The following OXSR1 variants were observed in gnomAD, a reference collection of about 807,000 sequenced individuals.
OXSR1 encodes the protein serine/threonine-protein kinase OSR1.
OXSR1 carries 24 observed loss-of-function variants against 79.8 expected under a neutral mutation model. The observed-to-expected ratio is 0.30, with a 90% CI of 0.22 to 0.42. The LOEUF (loss-of-function observed/expected upper bound fraction) is 0.42. OXSR1 is among the 10% of genes least tolerant of loss of function. OXSR1 has a pLI of 1.00. For synonymous variants in OXSR1, 226 were observed against 209.2 expected (o/e 1.08, Z -0.69); for missense variants, 430 against 618.4 (o/e 0.70, Z 3.23).
Position 38,183,073 on chromosome 3 carries a change from G to C in OXSR1, c.141G>C (p.Arg47=). Residue 47 remains arginine, a synonymous_variant, in exon 2 of 18, where the codon CGG becomes CGC. Transcript: ENST00000311806. ...AAAAGGAGAAAGTGGCAATCAAACG[G>C]ATAAACCTTGAGAAATGTCAAACTA... ...APKKEKVAIK[R]INLEKCQTSM... 1 of 1,612,472 alleles carries C rather than the reference G, an allele frequency of 6.2e-7. No homozygotes were observed. Among genetic ancestry groups the C allele is most frequent in the Non-Finnish European group, 8.5e-7 (1 of 1,179,116 alleles).
intron 1 of OXSR1, among the ~76,000 whole-genome samples, chr3:38,176,050 T>C (rs1344885378): frequency 6.6e-6 from 1 of 152,226 alleles, no homozygotes; most frequent in East Asian, 1.9e-4. Flanking sequence ...ATTTTTTTTT[T>C]CTAAAACATC....
At chr3:38,195,550 T>A (rs1387151432) in intron 3 of OXSR1, among the ~76,000 whole-genome samples, 2 of 152,220 alleles carry the variant, frequency 1.3e-5, no homozygotes, top group South Asian at 4.1e-4. Flanking sequence ...CTGTAGTAGC[T>A]AAAGATTTAT....
intron 1 of OXSR1, among the ~76,000 whole-genome samples, chr3:38,167,182 C>T (rs1033385935): frequency 2.0e-5 from 3 of 152,070 alleles, no homozygotes; most frequent in Non-Finnish European, 2.9e-5. Context: ...TGACGTGATC[C>T]GATAAATTGG....
At chr3:38,189,562 T>C (rs1701945677) in intron 2 of OXSR1, among the ~76,000 whole-genome samples, 1 of 152,212 alleles carries the variant, frequency 6.6e-6, no homozygotes. Context: ...GTACTCCTTA[T>C]CAGTCAGGGA....
intron 13 of OXSR1, 59 bp from the exon 14 acceptor site, chr3:38,247,609 T>C: frequency 8.2e-7 from 1 of 1,214,138 alleles, no homozygotes; most frequent in Admixed American, 1.7e-5. Context: ...CAGTGACCAT[T>C]AGTCACCTCC....
At chr3:38,240,969 C>G (rs1330779027) in intron 11 of OXSR1, among the ~76,000 whole-genome samples, 2 of 152,118 alleles carry the variant, frequency 1.3e-5, no homozygotes, top group Non-Finnish European at 2.9e-5. Context: ...ATTTTACAAT[C>G]ATCGTCGCAA....
chr3:38,218,822 C>T (rs1702534511), intron 5 of OXSR1, among the ~76,000 whole-genome samples: 1 of 152,120 alleles, frequency 6.6e-6, no homozygotes, highest in South Asian at 2.1e-4. Context: ...TACCTTATTA[C>T]AGATAACACT....
At chr3:38,181,267 G>A (rs1701780131) in intron 1 of OXSR1, among the ~76,000 whole-genome samples, 1 of 149,270 alleles carries the variant, frequency 6.7e-6, no homozygotes, top group Non-Finnish European at 1.5e-5. Flanking sequence ...ATAATTGTAT[G>A]TTTCAGTTGT....
intron 15 of OXSR1, among the ~76,000 whole-genome samples, chr3:38,250,390 G>A (rs1328404132): frequency 6.6e-6 from 1 of 152,176 alleles, no homozygotes; most frequent in Non-Finnish European, 1.5e-5. Flanking sequence ...AGGTCACACA[G>A]CTGGAAAGAG....
intron 11 of OXSR1, among the ~76,000 whole-genome samples, chr3:38,242,504 C>A (rs759562742): frequency 2.6e-5 from 4 of 152,034 alleles, no homozygotes; most frequent in Admixed American, 1.3e-4. Flanking sequence ...TTTTAAAATA[C>A]GGAATTTTAA....
At chr3:38,233,742 A>C (rs1206468422) in intron 10 of OXSR1, among the ~76,000 whole-genome samples, 1 of 151,826 alleles carries the variant, frequency 6.6e-6, no homozygotes, top group Non-Finnish European at 1.5e-5. Context: ...GGCAAGACCC[A>C]GACTCTACCA....
chr3:38,215,272 A>G (rs1344722614), intron 4 of OXSR1, among the ~76,000 whole-genome samples: 1 of 152,126 alleles, frequency 6.6e-6, no homozygotes, highest in Non-Finnish European at 1.5e-5. Flanking sequence ...TAACCTTTCT[A>G]CTGTTGCTGG....
At chr3:38,217,814 TC>T (rs1279347384) in intron 5 of OXSR1, among the ~76,000 whole-genome samples, 2 of 152,176 alleles carry the variant, frequency 1.3e-5, no homozygotes, top group African/African-American at 4.8e-5. Context: ...ACCACCATTC[TC>T]CTTTCTGTCT....
At chr3:38,168,907 G>A (rs923497821) in intron 1 of OXSR1, among the ~76,000 whole-genome samples, 1 of 152,126 alleles carries the variant, frequency 6.6e-6, no homozygotes, top group African/African-American at 2.4e-5. Flanking sequence ...TTGGCTGTTT[G>A]GAACAAGGCT....
At chr3:38,223,628 T>G (rs1702632386) in intron 6 of OXSR1, among the ~76,000 whole-genome samples, 184 bp from the exon 7 acceptor site, 2 of 151,652 alleles carry the variant, frequency 1.3e-5, no homozygotes, top group African/African-American at 2.4e-5. Context: ...TTTTTTTTTT[T>G]TAGTAGTGAT....
intron 6 of OXSR1, among the ~76,000 whole-genome samples, chr3:38,222,323 GA>G (rs1702604847): frequency 6.6e-6 from 1 of 152,190 alleles, no homozygotes; most frequent in Non-Finnish European, 1.5e-5. Context: ...GGGCTTTGGA[GA>G]CAGGCTTTGT....
rs748512523 is a variant in OXSR1, at chr3:38,185,323, G to A, written c.183+2208G>A. On this transcript the variant is annotated intron_variant, in intron 2 of 17. Coordinates refer to ENST00000311806, the MANE Select transcript of OXSR1 (RefSeq NM_005109.3). ...CACAGGGCCAGGCACAGTGGCTTAC[G>A]CCTGTAATCCCACCACTTTGGGAGG... Among the ~76,000 whole-genome samples, 5 of 152,170 alleles carry A rather than the reference G, an allele frequency of 3.3e-5. No homozygotes were observed. The East Asian group carries it at 5.8e-4, about 18-fold the overall frequency.
chr3:38,206,513 A>AG, intron 4 of OXSR1, among the ~76,000 whole-genome samples: 1 of 152,042 alleles, frequency 6.6e-6, no homozygotes, highest in African/African-American at 2.4e-5. Context: ...AAAAAAAAAA[A>AG]AGAGACAATG....
chr3:38,210,153 A>C (rs1294914453), intron 4 of OXSR1, among the ~76,000 whole-genome samples: 2 of 151,148 alleles, frequency 1.3e-5, no homozygotes, highest in African/African-American at 2.4e-5. Flanking sequence ...TTGTTCCTCT[A>C]TAGGTAAGGT....
Sources: gnomAD v4.1 joint callset for allele counts (sites outside exome capture counted in the v4.1 genomes callset) on GRCh38, gnomAD v4.1.1 for gene constraint, MANE v1.5 for transcripts, NCBI Gene and HGNC (gene_info 2026-07-23, HGNC 2026-07-21) for gene names.